Variants in KLF12 observed in about 807,000 individuals in gnomAD.
The protein encoded by KLF12 is KLF transcription factor 12.
Under a neutral mutation model 37.8 loss-of-function variants are expected in KLF12, and 9 were observed. That is an observed-to-expected ratio of 0.24 (90% CI 0.14 to 0.42). KLF12 has a LOEUF of 0.42. Ranked by LOEUF, KLF12 falls within the 10% of genes least tolerant of loss-of-function variation. The pLI is 1.00. For missense variants in KLF12, 411 were observed against 516.0 expected (o/e 0.80, Z 1.97); for synonymous variants, 208 against 202.1 (o/e 1.03, Z -0.25).
intron 3 of KLF12, among the ~76,000 whole-genome samples, chr13:73,856,787 G>A (rs921324146): frequency 2.0e-5 from 3 of 151,998 alleles, no homozygotes; most frequent in Non-Finnish European, 4.4e-5. Flanking sequence ...TCAGGAGTTC[G>A]AGACCAGCCT....
chr13:74,202,302 C>T, the KLF12 span, among the ~76,000 whole-genome samples: 1 of 152,034 alleles, frequency 6.6e-6, no homozygotes. Flanking sequence ...GCACCAAAGC[C>T]CTGTTTTGGC....
chr13:74,290,029 T>C, the KLF12 span, among the ~76,000 whole-genome samples: 21 of 152,264 alleles, frequency 1.4e-4, no homozygotes, highest in Admixed American at 3.3e-4. Context: ...CTACAGTAAA[T>C]GTGATTAAAT....
chr13:73,749,757 T>C (rs1878620136), intron 6 of KLF12, among the ~76,000 whole-genome samples: 2 of 152,198 alleles, frequency 1.3e-5, no homozygotes, highest in African/African-American at 2.4e-5. Context: ...ACTATATGGA[T>C]TGTCGAAAGA....
chr13:74,060,103 T>G (rs1462024557), intron 1 of KLF12, among the ~76,000 whole-genome samples: 1 of 152,144 alleles, frequency 6.6e-6, no homozygotes, highest in Non-Finnish European at 1.5e-5. Context: ...TCTCTATTTT[T>G]CTCTATTGAT....
intron 6 of KLF12, among the ~76,000 whole-genome samples, chr13:73,732,083 ATTT>A (rs35067068): frequency 2.3e-4 from 30 of 131,294 alleles, no homozygotes; most frequent in African/African-American, 2.6e-4. Context: ...TATTAACCCT[ATTT>A]TTTTTTTTTT....
the KLF12 span, among the ~76,000 whole-genome samples, chr13:74,224,912 A>G: frequency 6.6e-6 from 1 of 152,170 alleles, no homozygotes; most frequent in Non-Finnish European, 1.5e-5. Flanking sequence ...AGGGAAAAGA[A>G]GGGAAGTGCA....
the KLF12 span, among the ~76,000 whole-genome samples, chr13:74,225,113 A>G: frequency 6.6e-6 from 1 of 152,202 alleles, no homozygotes; most frequent in African/African-American, 2.4e-5. Flanking sequence ...AAGCTAAAAC[A>G]TAACACTACC....
chr13:73,914,433 C>T (rs899292835), intron 3 of KLF12, among the ~76,000 whole-genome samples: 1 of 152,190 alleles, frequency 6.6e-6, no homozygotes, highest in Admixed American at 6.5e-5. Context: ...CTTGACTGTT[C>T]TGAGAATAGT....
intron 6 of KLF12, among the ~76,000 whole-genome samples, chr13:73,742,258 C>CA (rs990586900): frequency 2.0e-4 from 30 of 152,170 alleles, no homozygotes; most frequent in Non-Finnish European, 4.0e-4. Context: ...AGAACATACA[C>CA]TTTTTTTTAC....
At chr13:73,727,116 G>GTT (rs138987072) in intron 6 of KLF12, among the ~76,000 whole-genome samples, 5 of 149,684 alleles carry the variant, frequency 3.3e-5, no homozygotes, top group African/African-American at 1.3e-4. Context: ...TTTGTAAACT[G>GTT]TTTTGTTTTT....
At chr13:74,234,390 G>T in the KLF12 span, among the ~76,000 whole-genome samples, 1 of 152,006 alleles carries the variant, frequency 6.6e-6, no homozygotes. Flanking sequence ...CTAAGCAAGT[G>T]GCTTAATTTT....
the KLF12 span, among the ~76,000 whole-genome samples, chr13:74,286,227 C>G: frequency 6.6e-6 from 1 of 152,068 alleles, no homozygotes. Flanking sequence ...GTGTGCCACA[C>G]TGAAATGGAT....
At chr13:74,105,675 T>C (rs895239885) in intron 1 of KLF12, among the ~76,000 whole-genome samples, 2 of 152,156 alleles carry the variant, frequency 1.3e-5, no homozygotes, top group Non-Finnish European at 1.5e-5. Context: ...TTATTTGGCT[T>C]CCAACCTGGA....
chr13:74,287,770 G>A, the KLF12 span, among the ~76,000 whole-genome samples: 2 of 152,128 alleles, frequency 1.3e-5, no homozygotes, highest in Non-Finnish European at 2.9e-5. Flanking sequence ...GTCCTCTACT[G>A]TCCAATTGCA....
chr13:73,946,257 G>T (rs1203502427), intron 2 of KLF12, among the ~76,000 whole-genome samples: 1 of 152,128 alleles, frequency 6.6e-6, no homozygotes, highest in Non-Finnish European at 1.5e-5. Context: ...GACAAAGAGC[G>T]ATTCTGGAAA....
chr13:73,688,288 A>G lies in KLF12; in HGVS notation c.*7202T>C, dbSNP rs979147833. 2.0e-5 allele frequency: 3 copies of G among 152,620 alleles called. No homozygotes were observed. Among genetic ancestry groups the G allele is most frequent in the Admixed American group, 2.0e-4 (3 of 15,270 alleles). 9.5% of individuals were successfully genotyped at this position (152,620 alleles called of 1,614,324 possible). A position where few individuals can be genotyped will look rare whatever the true frequency, so the allele number is the denominator to read the frequency against. On this transcript the variant is annotated 3_prime_UTR_variant, in exon 8 of 8. Transcript: ENST00000377669. The stretch of plus-strand genomic sequence containing the variant: ...ATTCAATTAAACTAACAACAATACT[A>G]TAAACAAATTATTTATAAGACTATT...
chr13:74,114,951 T>C (rs969739313), intron 1 of KLF12, among the ~76,000 whole-genome samples: 10 of 152,156 alleles, frequency 6.6e-5, no homozygotes, highest in Non-Finnish European at 1.5e-4. Context: ...GAACTGTGCA[T>C]GAGAAGGATC....
chr13:74,044,369 A>T (rs1278017059), intron 1 of KLF12, among the ~76,000 whole-genome samples: 1 of 152,164 alleles, frequency 6.6e-6, no homozygotes, highest in Non-Finnish European at 1.5e-5. Flanking sequence ...CAATAAGAGG[A>T]ACGAGGGCTC....
intron 4 of KLF12, among the ~76,000 whole-genome samples, chr13:73,817,245 GA>G (rs1433262553): frequency 2.0e-5 from 3 of 150,606 alleles, no homozygotes; most frequent in Non-Finnish European, 4.4e-5. Flanking sequence ...TTGAGCCCAG[GA>G]GGTTGAGGCT....
Sources: gnomAD v4.1 joint callset for allele counts (sites outside exome capture counted in the v4.1 genomes callset) on GRCh38, gnomAD v4.1.1 for gene constraint, MANE v1.5 for transcripts, NCBI Gene and HGNC (gene_info 2026-07-23, HGNC 2026-07-21) for gene names.